The following ZFHX3 variants were observed in gnomAD, a reference collection of about 807,000 sequenced individuals.
ZFHX3 encodes the protein zinc finger homeobox protein 3.
ZFHX3 carries 42 observed loss-of-function variants against 279.1 expected under a neutral mutation model. The observed-to-expected ratio is 0.15, with a 90% CI of 0.12 to 0.19. The LOEUF (loss-of-function observed/expected upper bound fraction) is 0.19, where lower values mean the gene tolerates loss of function less well. Among genes scored for constraint, ZFHX3 ranks in the 10% least tolerant of loss-of-function variants. The pLI is 1.00. For synonymous variants in ZFHX3, 2,293 were observed against 1,957.8 expected, an observed-to-expected ratio of 1.17 and a Z score of -4.52; for missense variants, 4,981 against 4,754.0, an observed-to-expected ratio of 1.05 and a Z score of -1.40.
At position 72,948,518 on chromosome 16, in the gene ZFHX3, C is replaced by G. The variant is rs77388079; in HGVS notation, c.3216+1951G>C. Among the ~76,000 whole-genome samples the G allele has an allele frequency of 3.5e-4, 54 of 152,272 alleles. No homozygotes were observed. The East Asian group carries it at 9.5e-3, about 27-fold the overall frequency. On this transcript the variant is annotated intron_variant, in intron 3 of 9. Transcript: ENST00000268489. ...GTGATCCGTGGACACAGTTTGGGGA[C>G]CAAAACAGGATGTTCTCAGCAAATC...
chr16:73,543,040 A>T (rs2020046031), intron 2 of ZFHX3, among the ~76,000 whole-genome samples: 1 of 152,150 alleles, frequency 6.6e-6, no homozygotes, highest in Non-Finnish European at 1.5e-5. Flanking sequence ...GGACCACGGG[A>T]AGGAGAAGGG....
intron 1 of ZFHX3, among the ~76,000 whole-genome samples, chr16:73,757,945 C>G (rs1038931642): frequency 2.0e-5 from 3 of 152,176 alleles, no homozygotes; most frequent in Non-Finnish European, 4.4e-5. Context: ...CTTTAAAACA[C>G]AGAAATTATT....
At chr16:73,263,239 A>G (rs534435909) in intron 4 of ZFHX3, among the ~76,000 whole-genome samples, 198 of 151,730 alleles carry the variant, frequency 1.3e-3, no homozygotes, top group African/African-American at 4.6e-3. Flanking sequence ...TCTGTCACCC[A>G]GATTAGAGGG....
At chr16:73,854,933 T>A (rs751687604) in intron 1 of ZFHX3, among the ~76,000 whole-genome samples, 2 of 151,556 alleles carry the variant, frequency 1.3e-5, no homozygotes, top group Non-Finnish European at 2.9e-5. Flanking sequence ...CAAGGGGACA[T>A]GTATGTTGTT....
chr16:73,697,885 G>A (rs879022345), intron 1 of ZFHX3, among the ~76,000 whole-genome samples: 6 of 152,114 alleles, frequency 3.9e-5, no homozygotes, highest in Admixed American at 1.3e-4. Context: ...CGGCCTATAA[G>A]CAATGGCACT....
intron 2 of ZFHX3, among the ~76,000 whole-genome samples, chr16:73,576,234 G>A (rs2051798137): frequency 6.6e-6 from 1 of 152,066 alleles, no homozygotes; most frequent in Non-Finnish European, 1.5e-5. Flanking sequence ...ATCCTTTAAA[G>A]AATCAGCAGG....
At chr16:73,612,862 G>C (rs2052260982) in intron 2 of ZFHX3, among the ~76,000 whole-genome samples, 1 of 151,782 alleles carries the variant, frequency 6.6e-6, no homozygotes, top group African/African-American at 2.4e-5. Flanking sequence ...GATAGCTTTT[G>C]ATATAATAGA....
intron 2 of ZFHX3, among the ~76,000 whole-genome samples, chr16:73,480,038 A>G (rs914714727): frequency 6.6e-6 from 1 of 151,934 alleles, no homozygotes; most frequent in African/African-American, 2.4e-5. Flanking sequence ...GAACCTCACT[A>G]CTTTCAAGGA....
intron 1 of ZFHX3, among the ~76,000 whole-genome samples, chr16:73,816,965 A>C (rs1023306307): frequency 2.6e-5 from 4 of 152,208 alleles, no homozygotes; most frequent in Admixed American, 6.5e-5. Context: ...GCTTCCTAGC[A>C]TGAGACATTG....
intron 4 of ZFHX3, among the ~76,000 whole-genome samples, chr16:72,868,365 C>T (rs757534712): frequency 1.3e-5 from 2 of 152,212 alleles, no homozygotes; most frequent in African/African-American, 2.4e-5. Context: ...TCCTTACCTG[C>T]TCTCTTCCCC....
intron 7 of ZFHX3, among the ~76,000 whole-genome samples, chr16:73,106,611 G>A (rs781288262): frequency 1.3e-5 from 2 of 152,146 alleles, no homozygotes; most frequent in Non-Finnish European, 2.9e-5. Flanking sequence ...GCAAAATCTT[G>A]CACGGCAATA....
chr16:73,285,826 A>G (rs570824566), intron 4 of ZFHX3, among the ~76,000 whole-genome samples: 1 of 152,292 alleles, frequency 6.6e-6, no homozygotes, highest in South Asian at 2.1e-4. Context: ...TGTTTTTCAA[A>G]CATATTACAC....
At chr16:73,427,673 T>C (rs1380800905) in intron 3 of ZFHX3, among the ~76,000 whole-genome samples, 2 of 152,064 alleles carry the variant, frequency 1.3e-5, no homozygotes, top group African/African-American at 4.8e-5. Flanking sequence ...AAGTGACTCA[T>C]GCTTGTAATC....
intron 1 of ZFHX3, among the ~76,000 whole-genome samples, chr16:72,964,869 G>A (rs529267184): frequency 6.6e-5 from 10 of 152,174 alleles, no homozygotes; most frequent in Admixed American, 3.9e-4. Flanking sequence ...CTGACAAACC[G>A]GAGAGTATGG....
rs576088991 is a variant in ZFHX3, at chr16:72,852,894, C to T, written c.3449-23035G>A. 1.7e-4 allele frequency among the ~76,000 whole-genome samples: 26 copies of T among 152,304 alleles called. 1 individual carries two copies. In the South Asian group the frequency reaches 5.0e-3, roughly 29 times the overall value. On this transcript the variant is annotated intron_variant, in intron 4 of 9. Coordinates refer to ENST00000268489, the MANE Select transcript of ZFHX3 (RefSeq NM_006885.4). ...TCACTAAGTCATTAGTTAAACTATC[C>T]GTTCATGCCTCCTAGGTTTCAGCCA...
chr16:72,924,012 C>T (rs992966904), intron 3 of ZFHX3, among the ~76,000 whole-genome samples: 2 of 152,178 alleles, frequency 1.3e-5, no homozygotes, highest in African/African-American at 4.8e-5. Flanking sequence ...TCGGCTGTAA[C>T]GGGCTAGCTA....
intron 1 of ZFHX3, among the ~76,000 whole-genome samples, chr16:73,867,945 A>C (rs1597150670): frequency 6.6e-6 from 1 of 152,290 alleles, no homozygotes; most frequent in East Asian, 1.9e-4. Context: ...TCATCAGAGC[A>C]GCAATGAGGG....
At chr16:73,005,609 C>G (rs1963672745) in intron 1 of ZFHX3, 1 of 152,198 alleles carries the variant, frequency 6.6e-6, no homozygotes, top group South Asian at 2.1e-4. Flanking sequence ...CTAGCTAACA[C>G]AGGGAAATCC....
intron 1 of ZFHX3, among the ~76,000 whole-genome samples, chr16:73,837,175 C>T (rs1029012127): frequency 1.3e-5 from 2 of 152,164 alleles, no homozygotes; most frequent in African/African-American, 2.4e-5. Context: ...CAATGATGAA[C>T]CTAAGCCCAG....
Sources: gnomAD v4.1 joint callset for allele counts (sites outside exome capture counted in the v4.1 genomes callset) on GRCh38, gnomAD v4.1.1 for gene constraint, MANE v1.5 for transcripts, NCBI Gene and HGNC (gene_info 2026-07-23, HGNC 2026-07-21) for gene names.